PDS5A: variants seen among roughly 807,000 people sequenced by gnomAD.
PDS5A encodes PDS5 cohesin associated factor A.
In PDS5A, 42 loss-of-function variants were observed where a neutral mutation model predicts 167.1. The ratio of observed to expected loss-of-function variants is 0.25; its 90% CI spans 0.20 to 0.33. The LOEUF is 0.33. Among genes scored for constraint, PDS5A ranks in the 10% least tolerant of loss-of-function variants. The probability of loss-of-function intolerance (pLI) is 1.00; values close to 1 mark genes in which losing one functional copy is unlikely to be tolerated. For synonymous variants in PDS5A, 553 were observed against 554.6 expected, an observed-to-expected ratio of 1.00 and a Z score of 0.04; for missense variants, 1,033 against 1,605.9, an observed-to-expected ratio of 0.64 and a Z score of 6.10.
chr4:39,898,956 T>C (rs1722648842), intron 14 of PDS5A, 131 bp from the exon 15 acceptor site: 2 of 618,286 alleles, frequency 3.2e-6, no homozygotes, highest in Non-Finnish European at 5.8e-6. Context: ...GTCTGCTCAA[T>C]GGAAAATGGT....
intron 2 of PDS5A, among the ~76,000 whole-genome samples, chr4:39,956,075 G>A (rs753915885): frequency 4.0e-5 from 6 of 151,412 alleles, no homozygotes; most frequent in East Asian, 1.9e-4. Flanking sequence ...CTGCGATCTC[G>A]CCACTGCACT....
chr4:39,887,426 A>G (rs1174531180), intron 17 of PDS5A, among the ~76,000 whole-genome samples: 1 of 152,156 alleles, frequency 6.6e-6, no homozygotes, highest in Non-Finnish European at 1.5e-5. Context: ...TCGATATATG[A>G]TTTATGAACC....
intron 16 of PDS5A, among the ~76,000 whole-genome samples, chr4:39,893,360 T>C (rs1722133729): frequency 1.3e-5 from 2 of 152,236 alleles, no homozygotes; most frequent in Admixed American, 1.3e-4. Flanking sequence ...CTTTTGATAA[T>C]CTTTGCTCAA....
chr4:39,839,309 C>T (rs1245607881), intron 31 of PDS5A, among the ~76,000 whole-genome samples: 1 of 151,894 alleles, frequency 6.6e-6, no homozygotes, highest in African/African-American at 2.4e-5. Flanking sequence ...TGGTGGCTCA[C>T]GGCTGTAATC....
intron 2 of PDS5A, chr4:39,973,429 G>T: frequency 6.8e-7 from 1 of 1,471,524 alleles, no homozygotes. Flanking sequence ...GTGGACAGCA[G>T]GAGTAGCTGC....
At chr4:39,876,889 G>T in intron 19 of PDS5A, 104 bp downstream of exon 19, 7 of 787,952 alleles carry the variant, frequency 8.9e-6, no homozygotes, top group South Asian at 8.7e-5. Flanking sequence ...AATCAAAGTT[G>T]TCTTTCTTCC....
At chr4:39,952,459 G>C (rs558970711) in intron 2 of PDS5A, among the ~76,000 whole-genome samples, 4 of 152,036 alleles carry the variant, frequency 2.6e-5, no homozygotes, top group African/African-American at 7.2e-5. Context: ...TTAAAATTTT[G>C]TAAGTGTTAA....
rs1238452481 is a variant in PDS5A, at chr4:39,882,581, G to T, written c.1887-2748C>A. On this transcript the variant is annotated intron_variant, in intron 17 of 32. Coordinates refer to ENST00000303538, the MANE Select transcript of PDS5A (RefSeq NM_001100399.2). ...ATAAATATGTAAATACATGTGATAGGTTCCATGCACACGATTATTTCATGA... is the reference window on the plus strand; with the variant it reads ...ATAAATATGTAAATACATGTGATAGTTTCCATGCACACGATTATTTCATGA... Among the ~76,000 whole-genome samples, 4 of 152,104 alleles carry T rather than the reference G, an allele frequency of 2.6e-5. No individual in the cohort carries two copies. The East Asian group carries it at 7.7e-4, about 29-fold the overall frequency.
intron 27 of PDS5A, 111 bp downstream of exon 27, chr4:39,849,398 CTTTTGTAAACA>C (rs1717915954): frequency 1.5e-6 from 1 of 648,864 alleles, no homozygotes; most frequent in African/African-American, 2.0e-5. Context: ...TACACATTTA[CTTTTGTAAACA>C]TTCTAAAATT....
At chr4:39,963,149 G>A (rs533952928) in intron 2 of PDS5A, among the ~76,000 whole-genome samples, 2 of 151,760 alleles carry the variant, frequency 1.3e-5, no homozygotes, top group South Asian at 2.1e-4. Context: ...GCGAAACCCC[G>A]TCTCTTTTAA....
chr4:39,889,598 T>C (rs769177910), intron 17 of PDS5A, among the ~76,000 whole-genome samples: 1 of 152,252 alleles, frequency 6.6e-6, no homozygotes, highest in Non-Finnish European at 1.5e-5. Flanking sequence ...AGAAAAGCAT[T>C]ACCAGACGTT....
At chr4:39,914,286 C>A (rs959706864) in intron 8 of PDS5A, among the ~76,000 whole-genome samples, 10 of 151,228 alleles carry the variant, frequency 6.6e-5, no homozygotes, top group African/African-American at 2.4e-4. Flanking sequence ...CTCAGCCTCT[C>A]GAGTAGCTGG....
At chr4:39,970,228 G>A (rs968085734) in intron 2 of PDS5A, among the ~76,000 whole-genome samples, 5 of 151,824 alleles carry the variant, frequency 3.3e-5, no homozygotes, top group Non-Finnish European at 5.9e-5. Flanking sequence ...TTTAATGTAA[G>A]GAACCTGTCT....
intron 16 of PDS5A, 98 bp from the exon 17 acceptor site, chr4:39,890,462 G>A: frequency 1.4e-6 from 1 of 708,148 alleles, no homozygotes; most frequent in South Asian, 1.8e-5. Context: ...ACCAGCATAA[G>A]TGGTTAAGAA....
chr4:39,903,328 C>G (rs1042182429), intron 12 of PDS5A, among the ~76,000 whole-genome samples: 2 of 152,168 alleles, frequency 1.3e-5, no homozygotes, highest in African/African-American at 4.8e-5. Context: ...CTTGCTAGTA[C>G]CTATTGCTTG....
intron 2 of PDS5A, among the ~76,000 whole-genome samples, chr4:39,966,776 T>TCC (rs1730001850): frequency 6.6e-6 from 1 of 152,038 alleles, no homozygotes; most frequent in Admixed American, 6.6e-5. Flanking sequence ...GCTGGGTGGA[T>TCC]CACTTGAGGT....
intron 26 of PDS5A, among the ~76,000 whole-genome samples, chr4:39,860,513 C>T (rs1444597469): frequency 6.6e-6 from 1 of 151,584 alleles, no homozygotes; most frequent in Non-Finnish European, 1.5e-5. Context: ...ATTAGTAGAT[C>T]TAAGAGATGG....
At chr4:39,961,108 T>C (rs917126666) in intron 2 of PDS5A, among the ~76,000 whole-genome samples, 3 of 152,054 alleles carry the variant, frequency 2.0e-5, no homozygotes, top group African/African-American at 7.2e-5. Flanking sequence ...CACAACTAGC[T>C]AGAACTTTCT....
chr4:39,880,226 T>C (rs746268575), intron 17 of PDS5A, among the ~76,000 whole-genome samples: 1 of 152,126 alleles, frequency 6.6e-6, no homozygotes, highest in Non-Finnish European at 1.5e-5. Flanking sequence ...AACATACACA[T>C]GGACAAATGA....
Sources: allele counts gnomAD v4.1 joint callset (sites outside exome capture counted in the v4.1 genomes callset), GRCh38; gene constraint gnomAD v4.1.1; transcripts MANE v1.5; gene names NCBI Gene and HGNC (gene_info 2026-07-23, HGNC 2026-07-21).